Variants in FMN1 observed in about 807,000 individuals in gnomAD.
FMN1 encodes the protein formin 1.
FMN1 carries 110 observed loss-of-function variants against 132.4 expected under a neutral mutation model. That is an observed-to-expected ratio of 0.83 (90% CI 0.71 to 0.97). The LOEUF is 0.97. Ranked by LOEUF, FMN1 falls within the 50% of genes least tolerant of loss-of-function variation. FMN1 has a pLI of 0.00. For synonymous variants in FMN1, 722 were observed against 651.7 expected, an observed-to-expected ratio of 1.11 and a Z score of -1.64; for missense variants, 1,792 against 1,705.3, an observed-to-expected ratio of 1.05 and a Z score of -0.90.
rs114261481 is a variant in FMN1 at position 33,138,438 on chromosome 15, C to T, written c.1867+14610G>A. Among the ~76,000 whole-genome samples, 1,013 of 152,254 alleles carry T rather than the reference C, an allele frequency of 6.7e-3. 11 individuals carry two copies. Among genetic ancestry groups the T allele is most frequent in the African/African-American group, 0.023 (976 of 41,538 alleles). ...GTCCCTATATTCCCATCATCTCCTC[C>T]TCTGACATCTCTCCCCAAGGACAGT... On this transcript the variant is annotated intron_variant, in intron 4 of 20. Coordinates refer to ENST00000616417, the MANE Select transcript of FMN1 (RefSeq NM_001277313.2).
At chr15:33,112,275 T>C (rs925112354) in intron 4 of FMN1, among the ~76,000 whole-genome samples, 4 of 129,334 alleles carry the variant, frequency 3.1e-5, no homozygotes, top group Non-Finnish European at 6.4e-5. Context: ...GAAATAATGT[T>C]AGGTGGCAGT....
chr15:32,875,081 G>T (rs536385730), intron 16 of FMN1, among the ~76,000 whole-genome samples: 154 of 152,284 alleles, frequency 1.0e-3, no homozygotes, highest in South Asian at 1.0e-2. Flanking sequence ...GTAATTCCTT[G>T]AAAACAACAA....
At chr15:33,011,527 T>C (rs1415586395) in intron 6 of FMN1, among the ~76,000 whole-genome samples, 1 of 152,012 alleles carries the variant, frequency 6.6e-6, no homozygotes, top group Non-Finnish European at 1.5e-5. Context: ...AGAAAAAAGA[T>C]TTCTTAATAT....
At chr15:33,030,075 G>A (rs991557870) in intron 6 of FMN1, among the ~76,000 whole-genome samples, 2 of 152,182 alleles carry the variant, frequency 1.3e-5, no homozygotes, top group South Asian at 2.1e-4. Context: ...GGAGAATGGC[G>A]TGAACCCGGG....
chr15:32,811,788 C>G (rs1334247914), intron 17 of FMN1, among the ~76,000 whole-genome samples: 2 of 151,986 alleles, frequency 1.3e-5, no homozygotes, highest in Non-Finnish European at 2.9e-5. Context: ...CCTCAGCCTT[C>G]TGAGTAGCTG....
At chr15:32,859,788 G>C (rs2059221509) in intron 16 of FMN1, among the ~76,000 whole-genome samples, 1 of 152,142 alleles carries the variant, frequency 6.6e-6, no homozygotes, top group African/African-American at 2.4e-5. Flanking sequence ...TGTAATCCCA[G>C]TGCTTTGAGA....
intron 2 of FMN1, among the ~76,000 whole-genome samples, chr15:33,183,030 G>T (rs1965755608): frequency 6.6e-6 from 1 of 152,134 alleles, no homozygotes; most frequent in Non-Finnish European, 1.5e-5. Context: ...ATACCAAGCA[G>T]CCTCTTCCCC....
intron 9 of FMN1, among the ~76,000 whole-genome samples, chr15:32,948,739 T>C (rs1476950072): frequency 6.6e-6 from 1 of 152,050 alleles, no homozygotes; most frequent in Non-Finnish European, 1.5e-5. Context: ...CTTATGCTTG[T>C]TTTGCTCAAT....
intron 6 of FMN1, chr15:33,012,814 G>A: frequency 1.5e-6 from 1 of 660,892 alleles, no homozygotes; most frequent in African/African-American, 1.8e-5. Flanking sequence ...CAGCTGTGGT[G>A]GTGGAGGATA....
chr15:32,879,568 T>C (rs936928666), intron 16 of FMN1, among the ~76,000 whole-genome samples: 1 of 152,182 alleles, frequency 6.6e-6, no homozygotes, highest in African/African-American at 2.4e-5. Context: ...ATTTAAGTAC[T>C]ACCTCACACC....
intron 4 of FMN1, among the ~76,000 whole-genome samples, chr15:33,127,060 T>TC (rs1441911074): frequency 1.3e-5 from 2 of 151,784 alleles, no homozygotes; most frequent in African/African-American, 4.8e-5. Flanking sequence ...TATTAAGCTT[T>TC]CTGCTGTTTT....
At chr15:33,156,090 G>T (rs1057399886) in intron 3 of FMN1, among the ~76,000 whole-genome samples, 1 of 152,116 alleles carries the variant, frequency 6.6e-6, no homozygotes, top group Non-Finnish European at 1.5e-5. Context: ...CTACATAAAA[G>T]TATATTTTGA....
intron 7 of FMN1, among the ~76,000 whole-genome samples, chr15:32,971,101 T>A (rs914784048): frequency 2.6e-5 from 4 of 152,208 alleles, no homozygotes; most frequent in African/African-American, 9.7e-5. Flanking sequence ...GCTGTGTCCC[T>A]AAGCCTGAGT....
At chr15:33,005,468 C>T (rs901768232) in intron 7 of FMN1, among the ~76,000 whole-genome samples, 7 of 152,286 alleles carry the variant, frequency 4.6e-5, no homozygotes, top group Non-Finnish European at 5.9e-5. Context: ...AGATCATGAT[C>T]ACAATATACT....
intron 16 of FMN1, among the ~76,000 whole-genome samples, chr15:32,866,793 A>G: frequency 6.6e-6 from 1 of 152,168 alleles, no homozygotes; most frequent in South Asian, 2.1e-4. Context: ...TCCTTCGCTG[A>G]CAACCCAGCA....
chr15:32,869,448 C>A (rs925592170), intron 16 of FMN1, among the ~76,000 whole-genome samples: 2 of 152,112 alleles, frequency 1.3e-5, no homozygotes, highest in African/African-American at 4.8e-5. Context: ...GAGTCATGAG[C>A]AAGCTCGAGG....
chr15:32,802,578 C>T (rs908154723), intron 18 of FMN1, among the ~76,000 whole-genome samples: 3 of 152,206 alleles, frequency 2.0e-5, no homozygotes, highest in Non-Finnish European at 4.4e-5. Flanking sequence ...ACTACCTTCA[C>T]CACAAAGCCA....
chr15:32,854,027 C>G (rs1332289058), intron 17 of FMN1, among the ~76,000 whole-genome samples: 2 of 152,282 alleles, frequency 1.3e-5, no homozygotes, highest in African/African-American at 2.4e-5. Context: ...TAGCCACACT[C>G]AAGAAGTAGA....
intron 5 of FMN1, among the ~76,000 whole-genome samples, chr15:33,082,947 A>G (rs1386328742): frequency 6.6e-6 from 1 of 152,180 alleles, no homozygotes; most frequent in African/African-American, 2.4e-5. Flanking sequence ...TCATGGCCCA[A>G]AAGTGGAGCT....
Sources: gnomAD v4.1 joint callset for allele counts (sites outside exome capture counted in the v4.1 genomes callset) on GRCh38, gnomAD v4.1.1 for gene constraint, MANE v1.5 for transcripts, NCBI Gene and HGNC (gene_info 2026-07-23, HGNC 2026-07-21) for gene names.